ADAD1: variants seen among roughly 807,000 people sequenced by gnomAD.
ADAD1 encodes the protein adenosine deaminase domain-containing protein 1.
ADAD1 carries 46 observed loss-of-function variants against 66.8 expected under a neutral mutation model. The observed-to-expected ratio is 0.69, with a 90% CI of 0.54 to 0.88. The LOEUF (loss-of-function observed/expected upper bound fraction) is 0.88. Among genes scored for constraint, ADAD1 ranks in the 40% least tolerant of loss-of-function variants. The pLI is 0.00. For missense variants in ADAD1, 617 were observed against 681.8 expected, an observed-to-expected ratio of 0.91 and a Z score of 1.06; for synonymous variants, 248 against 229.4, an observed-to-expected ratio of 1.08 and a Z score of -0.73.
intron 7 of ADAD1, among the ~76,000 whole-genome samples, chr4:122,398,334 G>A (rs980376586): frequency 3.3e-5 from 5 of 151,974 alleles, no homozygotes; most frequent in African/African-American, 1.2e-4. Flanking sequence ...GTGTGTGTGT[G>A]TGTGTGTGTG....
chr4:122,410,207 T>A (rs1294391082), intron 8 of ADAD1, among the ~76,000 whole-genome samples: 2 of 152,242 alleles, frequency 1.3e-5, no homozygotes, highest in East Asian at 3.8e-4. Context: ...TAAACATTAT[T>A]CAGCAAGACT....
At chr4:122,383,279 A>C (rs1389013145) in intron 4 of ADAD1, among the ~76,000 whole-genome samples, 3 of 152,148 alleles carry the variant, frequency 2.0e-5, no homozygotes, top group Non-Finnish European at 4.4e-5. Flanking sequence ...TGAGTTGCTT[A>C]TAATGCCCTG....
In ADAD1 at chr4:122,415,417, G is replaced by T. The variant is rs546801281; in HGVS notation, c.1288G>T (p.Ala430Ser). The change falls in exon 11 of 13, where the codon GCT becomes TCT. Residue 430 changes from alanine to serine, a missense_variant. Physicochemically the swap from Ala to Ser is moderately conservative, Grantham distance 99 (BLOSUM62 1). Coordinates refer to ENST00000296513, the MANE Select transcript of ADAD1 (RefSeq NM_139243.4). The stretch of plus-strand genomic sequence containing the variant: ...CAGTGATACCAGAGGCTTAGAAATC[G>T]CTATAAAGCAACGTGTTGATGATGC... ...NCSDTRGLEI[A>S]IKQRVDDALT... is the part of the protein sequence containing the mutation. 6 of 1,613,524 alleles carry T rather than the reference G, an allele frequency of 3.7e-6. No homozygotes were observed. The highest frequency in any genetic ancestry group is 4.2e-6 in the Non-Finnish European group (5 of 1,179,760).
chr4:122,429,632 T>A lies in ADAD1; in HGVS notation c.1624T>A (p.Ser542Thr), dbSNP rs1370957737. 6.2e-7 allele frequency: 1 copy of A among 1,606,548 alleles called. No homozygotes were observed. The highest frequency in any genetic ancestry group is 1.7e-5 in the Admixed American group (1 of 59,984). The change falls in exon 13 of 13, where the codon TCT (serine) becomes ACT (threonine). Residue 542 changes from serine to threonine, a missense_variant. Ser to Thr is a moderately conservative substitution (Grantham distance 58). Coordinates refer to ENST00000296513, the MANE Select transcript of ADAD1 (RefSeq NM_139243.4). ...TTTTTTCTTTCTTCTCTAGTGTATG[T>A]CTGCCTCCTATCAAGAAGCTAAATG... ...AGTYHAAKCMSASYQEAKCKL... is the reference protein window; with the variant it reads ...AGTYHAAKCMTASYQEAKCKL...
intron 5 of ADAD1, among the ~76,000 whole-genome samples, chr4:122,385,377 A>G (rs533579098): frequency 1.3e-5 from 2 of 152,104 alleles, no homozygotes; most frequent in African/African-American, 4.8e-5. Flanking sequence ...GGTTCAAGTG[A>G]TTCTCATTCC....
At chr4:122,413,851 C>CATCTATATAT (rs1553924508) in intron 10 of ADAD1, among the ~76,000 whole-genome samples, 3 of 126,604 alleles carry the variant, frequency 2.4e-5, no homozygotes, top group African/African-American at 8.7e-5. Context: ...TATGATAGAT[C>CATCTATATAT]ATATATATAT....
chr4:122,412,492 C>A, intron 9 of ADAD1, 88 bp from the exon 10 acceptor site: 2 of 1,075,670 alleles, frequency 1.9e-6, no homozygotes, highest in Non-Finnish European at 2.7e-6. Flanking sequence ...GGAAGTTAAA[C>A]ATGTTACAGA....
chr4:122,383,741 T>C (rs1235334355), intron 4 of ADAD1, 58 bp from the exon 5 acceptor site: 5 of 1,516,878 alleles, frequency 3.3e-6, no homozygotes, highest in East Asian at 4.6e-5. Flanking sequence ...TGTACATACA[T>C]TGTTTGCAAG....
rs1433434639 is a variant in ADAD1, at chr4:122,393,587, A to G, written c.530-2A>G. 1.3e-6 allele frequency: 2 copies of G among 1,589,534 alleles called. No individual in the cohort carries two copies. Among genetic ancestry groups the G allele is most frequent in the African/African-American group, 2.7e-5 (2 of 73,524 alleles). The stretch of plus-strand genomic sequence containing the variant: ...TTCCTTATGTTTTTGTTTTGTTTAC[A>G]GGTCCTCCTCCTTTCCCTGCAGAAC... On this transcript the variant is annotated splice_acceptor_variant, in intron 5 of 12. Transcript: ENST00000296513. LOFTEE classifies it high-confidence loss of function.
chr4:122,382,910 C>T (rs1438801000), intron 4 of ADAD1, among the ~76,000 whole-genome samples: 1 of 152,066 alleles, frequency 6.6e-6, no homozygotes, highest in African/African-American at 2.4e-5. Flanking sequence ...CCTAGATGTA[C>T]ATATTAAAGA....
At chr4:122,429,312 GTAGTCC>G (rs1031855839) in intron 12 of ADAD1, among the ~76,000 whole-genome samples, 3 of 151,898 alleles carry the variant, frequency 2.0e-5, no homozygotes, top group Non-Finnish European at 4.4e-5. Flanking sequence ...GTGCATGCCT[GTAGTCC>G]TAGCAACTCA....
intron 12 of ADAD1, among the ~76,000 whole-genome samples, chr4:122,423,902 A>T (rs1192710321): frequency 6.6e-6 from 1 of 152,198 alleles, no homozygotes. Flanking sequence ...TTCTGGGATG[A>T]TGGATAAGAT....
chr4:122,429,148 G>C (rs1797395801), intron 12 of ADAD1, among the ~76,000 whole-genome samples: 1 of 151,048 alleles, frequency 6.6e-6, no homozygotes, highest in African/African-American at 2.4e-5. Flanking sequence ...AGAACAAGAA[G>C]AAAAACTGGC....
chr4:122,414,891 A>G (rs1352502597), intron 10 of ADAD1, among the ~76,000 whole-genome samples: 1 of 152,124 alleles, frequency 6.6e-6, no homozygotes, highest in African/African-American at 2.4e-5. Context: ...AGAAATGGTC[A>G]TTCTTTAAAT....
intron 10 of ADAD1, among the ~76,000 whole-genome samples, chr4:122,415,138 A>G (rs1308567730): frequency 6.6e-6 from 1 of 152,110 alleles, no homozygotes; most frequent in Admixed American, 6.6e-5. Flanking sequence ...AATATTCAGT[A>G]GAGGGACCTG....
At chr4:122,406,850 C>G (rs1270758616) in intron 7 of ADAD1, among the ~76,000 whole-genome samples, 1 of 152,156 alleles carries the variant, frequency 6.6e-6, no homozygotes, top group Non-Finnish European at 1.5e-5. Flanking sequence ...GATTCTGCAA[C>G]TGGTCTGCAT....
At chr4:122,398,160 G>A (rs1044322085) in intron 7 of ADAD1, among the ~76,000 whole-genome samples, 3 of 150,772 alleles carry the variant, frequency 2.0e-5, no homozygotes, top group Non-Finnish European at 3.0e-5. Context: ...CCCTTCCCCC[G>A]GTGCCCCAGA....
chr4:122,427,296 G>C (rs1797286193), intron 12 of ADAD1, among the ~76,000 whole-genome samples: 1 of 152,098 alleles, frequency 6.6e-6, no homozygotes, highest in Non-Finnish European at 1.5e-5. Flanking sequence ...TTTAACAAAA[G>C]AAATGGAAGA....
intron 2 of ADAD1, 76 bp from the exon 3 acceptor site, chr4:122,379,986 G>T (rs1561526297): frequency 7.2e-7 from 1 of 1,388,244 alleles, no homozygotes; most frequent in South Asian, 1.5e-5. Context: ...TAATGGGGGG[G>T]TGGGGTTTGG....
Sources: allele counts gnomAD v4.1 joint callset (sites outside exome capture counted in the v4.1 genomes callset), GRCh38; gene constraint gnomAD v4.1.1; transcripts MANE v1.5; gene names NCBI Gene and HGNC (gene_info 2026-07-23, HGNC 2026-07-21).